NIPA1: variants seen among roughly 807,000 people sequenced by gnomAD.
NIPA1 encodes the protein NIPA magnesium transporter 1, also known as magnesium transporter NIPA1.
NIPA1 carries 13 observed loss-of-function variants against 23.9 expected under a neutral mutation model. The observed-to-expected ratio is 0.54, with a 90% CI of 0.35 to 0.87. The LOEUF (loss-of-function observed/expected upper bound fraction) is 0.87, where lower values mean the gene tolerates loss of function less well. Ranked by LOEUF, NIPA1 falls within the 40% of genes least tolerant of loss-of-function variation. NIPA1 has a pLI of 0.01. For missense variants in NIPA1, 362 were observed against 429.7 expected, an observed-to-expected ratio of 0.84 and a Z score of 1.39; for synonymous variants, 234 against 202.9, an observed-to-expected ratio of 1.15 and a Z score of -1.30.
chr15:22,792,036 C>T (rs1894840502), intron 1 of NIPA1, among the ~76,000 whole-genome samples: 2 of 152,318 alleles, frequency 1.3e-5, no homozygotes, highest in South Asian at 4.1e-4. Flanking sequence ...AACTTCTTTG[C>T]CATGCTTTTG....
At chr15:22,792,381 C>T (rs547827096) in intron 1 of NIPA1, among the ~76,000 whole-genome samples, 10 of 150,858 alleles carry the variant, frequency 6.6e-5, no homozygotes, top group South Asian at 2.1e-4. Flanking sequence ...TTTTTTGAGA[C>T]GGAGTCTCGC....
rs1895621005 is a variant in NIPA1 at position 22,825,030 on chromosome 15, T to TG, written c.*791_*792insG. On this transcript the variant is annotated 3_prime_UTR_variant, in exon 5 of 5. Transcript: ENST00000337435. ...TACAAATGTATAAGGCAGTTAGAAA[T>TG]AATACAGTCACATGTCACTTAATGA... is the stretch of plus-strand genomic sequence containing the variant. 1 of 152,586 alleles carries TG rather than the reference T, an allele frequency of 6.6e-6. No individual in the cohort carries two copies. The highest frequency in any genetic ancestry group is 1.5e-5 in the Non-Finnish European group (1 of 68,048). 9.5% of individuals were successfully genotyped at this position (152,586 alleles called of 1,614,324 possible).
intron 3 of NIPA1, among the ~76,000 whole-genome samples, chr15:22,813,057 C>T (rs1422844476): frequency 6.6e-6 from 1 of 152,070 alleles, no homozygotes; most frequent in Non-Finnish European, 1.5e-5. Context: ...GTCAATAGCA[C>T]ATGGATTTTC....
rs758829883 is a variant in NIPA1 at position 22,820,428 on chromosome 15, AGT to A, written c.437_438del (p.Val146AspfsTer5). ...GATTATCCACTCCCCAAAGTCTGAG[AGT>A]GTGACAACTCAGGCTGAGCTGGAGG... Reference protein sequence around the residue: ...VLIIHSPKSESVTTQAELEEK... With the variant: ...VLIIHSPKSEXVTTQAELEEK... On this transcript the variant is annotated frameshift_variant, in exon 4 of 5. Transcript: ENST00000337435. LOFTEE classifies it high-confidence loss of function. The A allele has an allele frequency of 6.2e-7, 1 of 1,612,978 alleles. No homozygotes were observed. Among genetic ancestry groups the A allele is most frequent in the East Asian group, 2.2e-5 (1 of 44,868 alleles).
At chr15:22,820,984 T>TC in intron 4 of NIPA1, among the ~76,000 whole-genome samples, 1 of 150,774 alleles carries the variant, frequency 6.6e-6, no homozygotes, top group Non-Finnish European at 1.5e-5. Context: ...TCTTTTCTTT[T>TC]TTTTTTTTTT....
intron 1 of NIPA1, among the ~76,000 whole-genome samples, chr15:22,807,076 C>T (rs1206649415): frequency 6.6e-6 from 1 of 152,142 alleles, no homozygotes; most frequent in Non-Finnish European, 1.5e-5. Context: ...CAAATCCAGG[C>T]TCTTGATGGA....
chr15:22,795,478 G>A (rs1194277372), intron 1 of NIPA1, among the ~76,000 whole-genome samples: 1 of 152,090 alleles, frequency 6.6e-6, no homozygotes, highest in Non-Finnish European at 1.5e-5. Flanking sequence ...TCGAGTCTGG[G>A]GTAGCTGGAC....
At chr15:22,812,018 G>A (rs982758964) in intron 2 of NIPA1, 145 bp from the exon 3 acceptor site, 1 of 702,272 alleles carries the variant, frequency 1.4e-6, no homozygotes, top group Non-Finnish European at 2.6e-6. Flanking sequence ...CCTTAAATGT[G>A]CAGATGACAC....
chr15:22,806,702 G>A (rs1328813341), intron 1 of NIPA1, among the ~76,000 whole-genome samples: 1 of 152,180 alleles, frequency 6.6e-6, no homozygotes, highest in Non-Finnish European at 1.5e-5. Flanking sequence ...GGGTGAAACT[G>A]TGAAGAAACC....
chr15:22,801,015 AG>A (rs1410320343), intron 1 of NIPA1, among the ~76,000 whole-genome samples: 15 of 151,048 alleles, frequency 9.9e-5, no homozygotes, highest in Admixed American at 9.9e-4. Context: ...CTGAGGTTGC[AG>A]GGAGCCGAGA....
chr15:22,797,058 T>C (rs977240735), intron 1 of NIPA1, among the ~76,000 whole-genome samples: 1 of 151,522 alleles, frequency 6.6e-6, no homozygotes, highest in Admixed American at 6.6e-5. Flanking sequence ...TTTTTTTTTT[T>C]AGATAAAGTC....
rs1037621590 is a variant in NIPA1 at position 22,827,515 on chromosome 15, T to G, written c.*3276T>G. ...TTGCTCAGCTCTCATTGAGATCTTT[T>G]CCTATCAGAATGTTAGTGAATATAC... On this transcript the variant is annotated 3_prime_UTR_variant, in exon 5 of 5. Coordinates refer to ENST00000337435, the MANE Select transcript of NIPA1 (RefSeq NM_144599.5). The G allele has an allele frequency of 6.6e-6, 1 of 152,200 alleles. No homozygotes were observed. The highest frequency in any genetic ancestry group is 2.4e-5 in the African/African-American group (1 of 41,462). The allele number at this position is 152,200 out of a possible 1,614,324, so 9.4% of individuals were successfully genotyped here.
chr15:22,822,837 AAAAC>A lies in NIPA1; in HGVS notation c.479-884_479-881del, dbSNP rs555250165. 3.2e-4 allele frequency among the ~76,000 whole-genome samples: 49 copies of A among 152,108 alleles called. 2 individuals are homozygous for A. In the South Asian group the frequency reaches 9.3e-3, roughly 29 times the overall value. On this transcript the variant is annotated intron_variant, in intron 4 of 4. Coordinates refer to ENST00000337435, the MANE Select transcript of NIPA1 (RefSeq NM_144599.5). ...GAGCAAAACTCCATCTCAAAAAAAC[AAAAC>A]AAACAACAAGAAAAAAAGAGAATGG... is the stretch of plus-strand genomic sequence containing the variant.
At chr15:22,808,366 G>C (rs1256162119) in intron 1 of NIPA1, among the ~76,000 whole-genome samples, 2 of 152,178 alleles carry the variant, frequency 1.3e-5, no homozygotes, top group Non-Finnish European at 2.9e-5. Context: ...GATACACTGA[G>C]AGGGACACCA....
At chr15:22,791,551 T>C (rs1894827411) in intron 1 of NIPA1, among the ~76,000 whole-genome samples, 1 of 133,902 alleles carries the variant, frequency 7.5e-6, no homozygotes, top group Admixed American at 9.0e-5. Context: ...TGGTGCCATC[T>C]CGGCTCACTG....
At chr15:22,806,090 A>C (rs1342322896) in intron 1 of NIPA1, among the ~76,000 whole-genome samples, 1 of 151,872 alleles carries the variant, frequency 6.6e-6, no homozygotes, top group Non-Finnish European at 1.5e-5. Context: ...CGCCCAGCTA[A>C]TTTTTTGTAT....
chr15:22,796,719 C>T (rs1216359260), intron 1 of NIPA1, among the ~76,000 whole-genome samples: 2 of 152,190 alleles, frequency 1.3e-5, no homozygotes, highest in African/African-American at 4.8e-5. Context: ...CACTCCTACT[C>T]TGCAGCCAGG....
intron 1 of NIPA1, among the ~76,000 whole-genome samples, chr15:22,788,298 T>G (rs1217542787): frequency 6.8e-6 from 1 of 148,138 alleles, no homozygotes; most frequent in Non-Finnish European, 1.5e-5. Flanking sequence ...TCAGGAGATC[T>G]AGACCATCCT....
Position 22,823,797 on chromosome 15 carries a change from A to G in NIPA1, c.548A>G (p.His183Arg). The G allele has an allele frequency of 6.2e-7, 1 of 1,613,944 alleles. No individual in the cohort carries two copies. ...CTCATCTTCTGGATCGCGCCGGCCC[A>G]TGGGCCCACCAACATCATGGTCTAC... ...LLLIFWIAPA[H>R]GPTNIMVYIS... Residue 183 changes from histidine (H) to arginine (R), a missense_variant, in exon 5 of 5, where the codon CAT (histidine) becomes CGT (arginine). Transcript: ENST00000337435.
Sources: allele counts gnomAD v4.1 joint callset (sites outside exome capture counted in the v4.1 genomes callset), GRCh38; gene constraint gnomAD v4.1.1; transcripts MANE v1.5; gene names NCBI Gene and HGNC (gene_info 2026-07-23, HGNC 2026-07-21).